PSD2: variants seen among roughly 807,000 people sequenced by gnomAD.
The protein encoded by PSD2 is pleckstrin and Sec7 domain containing 2, also known as PH and SEC7 domain-containing protein 2.
Under a neutral mutation model 69.8 loss-of-function variants are expected in PSD2, and 38 were observed. The ratio of observed to expected loss-of-function variants is 0.54; its 90% CI spans 0.42 to 0.71. PSD2 has a LOEUF of 0.71. Among genes scored for constraint, PSD2 ranks in the 30% least tolerant of loss-of-function variants. The pLI, the probability that PSD2 is intolerant of heterozygous loss-of-function variation, is 0.00. For missense variants in PSD2, 943 were observed against 1,014.5 expected (o/e 0.93, Z 0.96); for synonymous variants, 412 against 423.0 (o/e 0.97, Z 0.32).
chr5:139,795,370 C>G (rs937744241), upstream of PSD2, among the ~76,000 whole-genome samples: 9 of 152,114 alleles, frequency 5.9e-5, no homozygotes, highest in Admixed American at 5.2e-4. The surrounding 1 kb of genome is among the most constrained non-coding windows in gnomAD (Gnocchi z 4.5). Flanking sequence ...GGGCAGGGGT[C>G]ACTCCCTGAA....
intron 8 of PSD2, among the ~76,000 whole-genome samples, chr5:139,834,861 T>A (rs1356963364): frequency 4.0e-5 from 6 of 151,678 alleles, no homozygotes. Flanking sequence ...TCTGCACCCA[T>A]CCACTCATCC....
chr5:139,761,878 A>G, the PSD2 span, among the ~76,000 whole-genome samples: 1 of 152,102 alleles, frequency 6.6e-6, no homozygotes, highest in Non-Finnish European at 1.5e-5. Context: ...TGAGTTCCCA[A>G]TACCAGGCAG....
the PSD2 span, among the ~76,000 whole-genome samples, chr5:139,761,655 C>A: frequency 2.0e-5 from 3 of 152,344 alleles, no homozygotes; most frequent in East Asian, 5.8e-4. Flanking sequence ...ACCCCCTAAC[C>A]TCTGCTTTCC....
intron 7 of PSD2, among the ~76,000 whole-genome samples, chr5:139,826,152 A>G (rs75553701): frequency 0.047 from 7,202 of 152,228 alleles, 527 homozygotes; most frequent in African/African-American, 0.15. Flanking sequence ...AGGTCATTGG[A>G]GACCTTTATA....
At chr5:139,752,125 T>C in the PSD2 span, among the ~76,000 whole-genome samples, 1 of 152,018 alleles carries the variant, frequency 6.6e-6, no homozygotes, top group African/African-American at 2.4e-5. Flanking sequence ...GTGGAGGTGG[T>C]TGTCCTTGGC....
the PSD2 span, among the ~76,000 whole-genome samples, chr5:139,766,973 C>CTT: frequency 7.2e-6 from 1 of 138,358 alleles, no homozygotes; most frequent in African/African-American, 2.8e-5. Flanking sequence ...TTCTTTCTTT[C>CTT]TTTCTTTCTT....
At chr5:139,810,007 T>C (rs537200100) in intron 2 of PSD2, among the ~76,000 whole-genome samples, 196 bp downstream of exon 2, 66 of 150,422 alleles carry the variant, frequency 4.4e-4, no homozygotes, top group African/African-American at 1.6e-3. Flanking sequence ...GCCAGCAGAT[T>C]GGGGGGCTGA....
chr5:139,783,700 C>A, the PSD2 span, among the ~76,000 whole-genome samples: 1 of 151,984 alleles, frequency 6.6e-6, no homozygotes, highest in Non-Finnish European at 1.5e-5. Flanking sequence ...GTCTTTTCCA[C>A]GAAAACGGCT....
chr5:139,836,862 C>T lies in PSD2; in HGVS notation c.1455C>T (p.Phe485=), dbSNP rs143306197. 2.3e-4 allele frequency: 366 copies of T among 1,614,064 alleles called. No individual in the cohort carries two copies. Among genetic ancestry groups the T allele is most frequent in the East Asian group, 9.8e-4 (44 of 44,876 alleles). The change falls in exon 10 of 15, where the codon TTC becomes TTT. Residue 485 remains phenylalanine, a synonymous_variant. Coordinates refer to ENST00000274710, the MANE Select transcript of PSD2 (RefSeq NM_032289.4). ...KSLSELVDDK[F]GTGTKKVTRI... Reference sequence around the variant, plus strand: ...TGTCTGAGCTGGTGGATGACAAGTTCGGGACAGGCACGAAGAAGGTGACGC... The same window carrying T: ...TGTCTGAGCTGGTGGATGACAAGTTTGGGACAGGCACGAAGAAGGTGACGC...
At chr5:139,764,387 C>T in the PSD2 span, among the ~76,000 whole-genome samples, 1 of 152,166 alleles carries the variant, frequency 6.6e-6, no homozygotes, top group African/African-American at 2.4e-5. Flanking sequence ...GGGGCGCGTA[C>T]GTACATCCGT....
the PSD2 span, among the ~76,000 whole-genome samples, chr5:139,771,286 C>T: frequency 6.6e-6 from 1 of 152,254 alleles, no homozygotes; most frequent in African/African-American, 2.4e-5. Flanking sequence ...CACCCCTGGG[C>T]ACTCCCTCTG....
At chr5:139,813,950 A>C in intron 3 of PSD2, among the ~76,000 whole-genome samples, 192 bp downstream of exon 3, 1 of 152,190 alleles carries the variant, frequency 6.6e-6, no homozygotes, top group East Asian at 1.9e-4. Flanking sequence ...AGGCCTTCTC[A>C]GCCCCGGTAG....
At position 139,837,611 on chromosome 5, in the gene PSD2, C is replaced by T. The variant is rs759556082; in HGVS notation, c.1666-14C>T. Reference sequence around the variant, plus strand: ...GGGTCAGTGACCCTAGCTCGCCCATCCTGCCCCACCCAGGATGAGTACAGG... The same window carrying T: ...GGGTCAGTGACCCTAGCTCGCCCATTCTGCCCCACCCAGGATGAGTACAGG... On this transcript the variant is annotated splice_polypyrimidine_tract_variant and intron_variant, in intron 11 of 14. Coordinates refer to ENST00000274710, the MANE Select transcript of PSD2 (RefSeq NM_032289.4). This position sits in a 1 kb window ranked among gnomAD's most constrained non-coding sequence, Gnocchi z 5.0. 6.8e-5 allele frequency: 108 copies of T among 1,587,194 alleles called. No homozygotes were observed. The highest frequency in any genetic ancestry group is 8.7e-5 in the Non-Finnish European group (101 of 1,160,430).
At position 139,830,606 on chromosome 5, in the gene PSD2, TTC is replaced by T. The variant is rs1455925202; in HGVS notation, c.1270-3092_1270-3091del. Reference sequence around the variant, plus strand: ...TCTTTCTTTCTTTTTCTTTCTTTCTTTCTCTTTCTTTCTTTCTTTCTCTTTCT... The same window carrying T: ...TCTTTCTTTCTTTTTCTTTCTTTCTTTCTTTCTTTCTTTCTTTCTCTTTCT... On this transcript the variant is annotated intron_variant, in intron 7 of 14. Transcript: ENST00000274710. Among the ~76,000 whole-genome samples the T allele has an allele frequency of 4.5e-3, 544 of 121,892 alleles. 6 individuals carry two copies. Among genetic ancestry groups the T allele is most frequent in the African/African-American group, 0.016 (443 of 27,546 alleles). The allele number at this position is 121,892 out of a possible 152,430, so 80.0% of individuals were successfully genotyped here.
At chr5:139,781,089 C>T in the PSD2 span, among the ~76,000 whole-genome samples, 1 of 152,190 alleles carries the variant, frequency 6.6e-6, no homozygotes, top group South Asian at 2.1e-4. Flanking sequence ...TCCAAAAACA[C>T]ATTGAGCATG....
At chr5:139,797,272 A>C (rs1759555501) in intron 1 of PSD2, among the ~76,000 whole-genome samples, 1 of 152,216 alleles carries the variant, frequency 6.6e-6, no homozygotes, top group Admixed American at 6.5e-5. Flanking sequence ...GCTACTGCAA[A>C]GTTTGGTCCT....
intron 5 of PSD2, 51 bp from the exon 6 acceptor site, chr5:139,821,842 A>T (rs968369781): frequency 1.2e-5 from 14 of 1,130,766 alleles, no homozygotes; most frequent in Non-Finnish European, 1.6e-5. Context: ...GGGTGGTCTT[A>T]CCCTGGGTGA....
At chr5:139,791,621 A>T (rs1759417140), upstream of PSD2, among the ~76,000 whole-genome samples, 1 of 152,030 alleles carries the variant, frequency 6.6e-6, no homozygotes, top group Non-Finnish European at 1.5e-5. Flanking sequence ...CAGAAAACAA[A>T]AAACAAAAAA....
At chr5:139,782,290 T>A in the PSD2 span, among the ~76,000 whole-genome samples, 1 of 152,082 alleles carries the variant, frequency 6.6e-6, no homozygotes, top group Non-Finnish European at 1.5e-5. Flanking sequence ...TTCAAGTGAT[T>A]CTCCTGCCTC....
Sources: gnomAD v4.1 joint callset for allele counts (sites outside exome capture counted in the v4.1 genomes callset) on GRCh38, gnomAD v4.1.1 for gene constraint, Gnocchi (gnomAD v3.1) non-coding constraint, MANE v1.5 for transcripts, NCBI Gene and HGNC (gene_info 2026-07-23, HGNC 2026-07-21) for gene names.